Variants in FBN1 observed in about 807,000 individuals in gnomAD.
The protein encoded by FBN1 is fibrillin 1, also known as fibrillin-1.
Under a neutral mutation model 365.1 loss-of-function variants are expected in FBN1, and 29 were observed. That is an observed-to-expected ratio of 0.08 (90% confidence interval 0.06 to 0.11). FBN1 has a LOEUF of 0.11. Ranked by LOEUF, FBN1 falls within the 10% of genes least tolerant of loss-of-function variation. The pLI, the probability that FBN1 is intolerant of heterozygous loss-of-function variation, is 1.00. For synonymous variants in FBN1, 1,210 were observed against 1,270.5 expected (o/e 0.95, Z 1.01); for missense variants, 2,476 against 3,703.2 (o/e 0.67, Z 8.60).
intron 2 of FBN1, 31 bp from the exon 3 acceptor site, chr15:48,613,123 T>TA (rs193922180): frequency 6.1e-5 from 92 of 1,520,654 alleles, no homozygotes; most frequent in Middle Eastern, 5.0e-4. Context: ...TTCCATACTT[T>TA]AAAAAAAAGA....
intron 6 of FBN1, among the ~76,000 whole-genome samples, chr15:48,571,295 C>T (rs979086104): frequency 6.6e-5 from 10 of 152,110 alleles, no homozygotes; most frequent in Middle Eastern, 3.4e-3. Context: ...AACAATGGCA[C>T]CCTGGTAGAT....
chr15:48,479,017 A>G (rs1466090100), intron 32 of FBN1, among the ~76,000 whole-genome samples: 1 of 152,226 alleles, frequency 6.6e-6, no homozygotes, highest in East Asian at 1.9e-4. Flanking sequence ...ACAATAATCT[A>G]TCTAAATAAA....
In FBN1 at chr15:48,495,572, T is replaced by C; in HGVS notation, c.2436A>G (p.Glu812=). The C allele has an allele frequency of 6.2e-7, 1 of 1,614,078 alleles. No individual in the cohort carries two copies. Residue 812 remains glutamate, a synonymous_variant, in exon 21 of 66, where the codon GAA becomes GAG. Coordinates refer to ENST00000316623, the MANE Select transcript of FBN1 (RefSeq NM_000138.5). ...LKTCEDIDEC[E]SSPCINGVCK... ...AGACTCCATTAATGCAAGGACTTGA[T>C]TCGCATTCATCAATGTCTGAAACAA...
At chr15:48,444,846 A>G (rs1223341902) in intron 48 of FBN1, among the ~76,000 whole-genome samples, 186 bp from the exon 49 acceptor site, 4 of 152,154 alleles carry the variant, frequency 2.6e-5, no homozygotes, top group East Asian at 3.8e-4. Context: ...AAAAATGTAT[A>G]GCATAACAAC....
intron 63 of FBN1, among the ~76,000 whole-genome samples, chr15:48,419,491 G>T (rs913473693): frequency 2.0e-5 from 3 of 152,150 alleles, no homozygotes. Context: ...GTCAGAAACT[G>T]GTGATTAAAA....
intron 2 of FBN1, among the ~76,000 whole-genome samples, chr15:48,625,163 A>G (rs1420550882): frequency 6.6e-6 from 1 of 152,092 alleles, no homozygotes. Flanking sequence ...TCATTTCTAT[A>G]TTAGTATTTA....
rs2042858248 is a variant in FBN1, at chr15:48,411,138, A to C, written c.8468T>G (p.Val2823Gly). The change falls in exon 66 of 66, where the codon GTG becomes GGG. Residue 2823 changes from valine (V) to glycine (G), a missense_variant. Coordinates refer to ENST00000316623, the MANE Select transcript of FBN1 (RefSeq NM_000138.5). The part of the protein sequence containing the change: ...SYLHFTKKKP[V>G]AGTYSLQISS... The stretch of plus-strand genomic sequence containing the variant: ...GATTTGTAATGAATAGGTTCCAGCC[A>C]CTGGCTTCTTCTTTGTGAAGTGGAG... 2 of 1,614,154 alleles carry C rather than the reference A, an allele frequency of 1.2e-6. No homozygotes were observed.
At chr15:48,550,519 G>T (rs2044133275) in intron 6 of FBN1, among the ~76,000 whole-genome samples, 1 of 151,998 alleles carries the variant, frequency 6.6e-6, no homozygotes, top group Non-Finnish European at 1.5e-5. Context: ...CTGCTTTAGT[G>T]TAGACCCTCA....
intron 43 of FBN1, among the ~76,000 whole-genome samples, chr15:48,458,635 T>C (rs1200384835): frequency 3.7e-4 from 56 of 152,182 alleles, no homozygotes; most frequent in Non-Finnish European, 1.2e-4. Flanking sequence ...ACGGGCTGAG[T>C]CTAATTTCCA....
chr15:48,517,744 C>G (rs1023815723), intron 10 of FBN1, among the ~76,000 whole-genome samples: 1 of 151,760 alleles, frequency 6.6e-6, no homozygotes, highest in Admixed American at 6.6e-5. Flanking sequence ...CATTTTTTTC[C>G]TCTTTTGCTA....
intron 2 of FBN1, among the ~76,000 whole-genome samples, chr15:48,624,934 C>G (rs1889846690): frequency 6.6e-6 from 1 of 152,228 alleles, no homozygotes; most frequent in Admixed American, 6.5e-5. Context: ...ATTCTTGCCA[C>G]TTCCCAGAAA....
At chr15:48,543,261 C>T (rs116267327) in intron 6 of FBN1, among the ~76,000 whole-genome samples, 1,799 of 152,150 alleles carry the variant, frequency 0.012, 35 homozygotes, top group African/African-American at 0.042. Flanking sequence ...GATCTCATGC[C>T]GCTGTCAGGA....
intron 53 of FBN1, 126 bp from the exon 54 acceptor site, chr15:48,434,839 CCAG>C (rs1566895344): frequency 1.7e-6 from 2 of 1,171,636 alleles, no homozygotes; most frequent in African/African-American, 1.5e-5. Flanking sequence ...ACTTTGACAT[CCAG>C]ACTGCAGTGC....
chr15:48,616,387 C>T (rs189190690), intron 2 of FBN1, among the ~76,000 whole-genome samples: 1 of 152,292 alleles, frequency 6.6e-6, no homozygotes, highest in Non-Finnish European at 1.5e-5. Flanking sequence ...AAGATTTCTC[C>T]TCTGCTGCTT....
chr15:48,596,058 T>C (rs527477319), intron 6 of FBN1, among the ~76,000 whole-genome samples: 1 of 152,292 alleles, frequency 6.6e-6, no homozygotes, highest in South Asian at 2.1e-4. Flanking sequence ...AATTAGCAAA[T>C]AACTGAATTT....
chr15:48,428,337 T>G lies in FBN1; in HGVS notation c.6997+9A>C, dbSNP rs1181272274. ...GAGGTTAGGAAAGTGCGGTGCCAAC[T>G]GTACTCACCAAGGCACTCGTCCTGG... On this transcript the variant is annotated intron_variant, in intron 57 of 65. Transcript: ENST00000316623. The G allele has an allele frequency of 2.5e-6, 4 of 1,613,858 alleles. No homozygotes were observed. In the African/African-American group the frequency reaches 5.3e-5, roughly 22 times the overall value.
At chr15:48,425,170 C>T (rs566058298) in intron 60 of FBN1, among the ~76,000 whole-genome samples, 199 bp downstream of exon 60, 2 of 152,324 alleles carry the variant, frequency 1.3e-5, no homozygotes, top group Non-Finnish European at 2.9e-5. Context: ...GCAAGGACAG[C>T]TGCTTCCTCC....
At chr15:48,597,367 G>T (rs928732113) in intron 5 of FBN1, among the ~76,000 whole-genome samples, 5 of 152,192 alleles carry the variant, frequency 3.3e-5, no homozygotes, top group African/African-American at 1.2e-4. Flanking sequence ...ACAGCATTAG[G>T]ATACTAAAGC....
chr15:48,421,313 T>A (rs1237020787), intron 62 of FBN1, among the ~76,000 whole-genome samples: 1 of 152,128 alleles, frequency 6.6e-6, no homozygotes, highest in Non-Finnish European at 1.5e-5. Context: ...CCTATTAGGT[T>A]AAATTAAAAA....
Sources: allele counts gnomAD v4.1 joint callset (sites outside exome capture counted in the v4.1 genomes callset), GRCh38; gene constraint gnomAD v4.1.1; transcripts MANE v1.5; gene names NCBI Gene and HGNC (gene_info 2026-07-23, HGNC 2026-07-21).